SLC26A5: variants seen among roughly 807,000 people sequenced by gnomAD.
SLC26A5 encodes the protein prestin.
SLC26A5 carries 51 observed loss-of-function variants against 81.0 expected under a neutral mutation model. The observed-to-expected ratio is 0.63, with a 90% confidence interval of 0.50 to 0.80. The LOEUF (loss-of-function observed/expected upper bound fraction) is 0.80, where lower values mean the gene tolerates loss of function less well. Ranked by LOEUF, SLC26A5 falls within the 30% of genes least tolerant of loss-of-function variation. SLC26A5 has a pLI of 0.00. For missense variants in SLC26A5, 771 were observed against 905.8 expected (o/e 0.85, Z 1.91); for synonymous variants, 325 against 332.8 (o/e 0.98, Z 0.25).
chr7:103,411,248 C>T (rs1182345622), intron 6 of SLC26A5, among the ~76,000 whole-genome samples, 172 bp downstream of exon 6: 2 of 152,160 alleles, frequency 1.3e-5, no homozygotes, highest in Admixed American at 6.5e-5. Flanking sequence ...CTTGCTTGCT[C>T]GTCACTCATA....
chr7:103,391,110 G>A (rs544112323), intron 11 of SLC26A5, among the ~76,000 whole-genome samples: 42 of 152,216 alleles, frequency 2.8e-4, no homozygotes, highest in Admixed American at 6.5e-4. Context: ...TGATCTGCCC[G>A]CCTTGGCCTC....
chr7:103,405,836 CCT>C (rs1288124336), intron 8 of SLC26A5, among the ~76,000 whole-genome samples: 11 of 152,176 alleles, frequency 7.2e-5, no homozygotes, highest in African/African-American at 2.2e-4. Context: ...TCTATAAGCC[CCT>C]GATTGTGGCT....
intron 8 of SLC26A5, among the ~76,000 whole-genome samples, chr7:103,399,075 A>G (rs527751007): frequency 6.6e-6 from 1 of 152,318 alleles, no homozygotes; most frequent in South Asian, 2.1e-4. Flanking sequence ...TGTATTATAA[A>G]ATTGAATGCA....
At chr7:103,359,170 T>TTTTA (rs71110833) in intron 19 of SLC26A5, among the ~76,000 whole-genome samples, 1 of 129,868 alleles carries the variant, frequency 7.7e-6, no homozygotes, top group Non-Finnish European at 1.6e-5. Flanking sequence ...TTTTTTTTTT[T>TTTTA]AATTTTTAGT....
chr7:103,390,313 C>T, intron 12 of SLC26A5, 116 bp downstream of exon 12: 2 of 976,616 alleles, frequency 2.0e-6, no homozygotes, highest in Non-Finnish European at 3.3e-6. Context: ...CTTTCTCATA[C>T]CATCCTGTGA....
chr7:103,440,483 G>A (rs1826798481), intron 2 of SLC26A5, among the ~76,000 whole-genome samples: 2 of 152,196 alleles, frequency 1.3e-5, no homozygotes, highest in African/African-American at 4.8e-5. Context: ...ATTGAGTTTA[G>A]TAATAATTAA....
intron 6 of SLC26A5, among the ~76,000 whole-genome samples, chr7:103,410,912 A>G (rs1015393505): frequency 2.6e-5 from 4 of 152,068 alleles, no homozygotes; most frequent in Admixed American, 2.0e-4. Context: ...TAAAGGTGTG[A>G]GCCACCGCGC....
rs188291481 is a variant in SLC26A5 at position 103,381,433 on chromosome 7, T to C, written c.1515-884A>G. ...ACAAACAATACACACACACCACACA[T>C]ACACAATATACACAATCACACCACA... On this transcript the variant is annotated intron_variant, in intron 14 of 19. Coordinates refer to ENST00000306312, the MANE Select transcript of SLC26A5 (RefSeq NM_198999.3). 8.7e-4 allele frequency among the ~76,000 whole-genome samples: 128 copies of C among 146,460 alleles called. 1 individual carries two copies. Among genetic ancestry groups the C allele is most frequent in the African/African-American group, 3.0e-3 (117 of 39,442 alleles).
intron 14 of SLC26A5, among the ~76,000 whole-genome samples, chr7:103,386,705 C>A (rs1308315052): frequency 6.6e-6 from 1 of 151,878 alleles, no homozygotes; most frequent in Non-Finnish European, 1.5e-5. Flanking sequence ...AAAACACCAC[C>A]ACCAGCAAAA....
At chr7:103,359,691 A>G (rs1482684473) in intron 19 of SLC26A5, among the ~76,000 whole-genome samples, 2 of 152,180 alleles carry the variant, frequency 1.3e-5, no homozygotes, top group Admixed American at 1.3e-4. Flanking sequence ...CTCTATCTGT[A>G]TTCACTATTG....
intron 5 of SLC26A5, among the ~76,000 whole-genome samples, chr7:103,412,598 G>A (rs1016397304): frequency 7.4e-6 from 1 of 135,840 alleles, no homozygotes; most frequent in African/African-American, 2.7e-5. Flanking sequence ...TGCCCAGGTT[G>A]GAGTGCAGTG....
chr7:103,384,512 T>TGAGGCA (rs1822035997), intron 14 of SLC26A5, among the ~76,000 whole-genome samples: 1 of 151,710 alleles, frequency 6.6e-6, no homozygotes, highest in Non-Finnish European at 1.5e-5. Flanking sequence ...CTCAAGAGGA[T>TGAGGCA]GAGGCAGAGG....
rs979524403 is a variant in SLC26A5 at position 103,438,389 on chromosome 7, CT to C, written c.-54+4693del. 3.7e-3 allele frequency among the ~76,000 whole-genome samples: 529 copies of C among 142,834 alleles called. 2 individuals carry two copies. Among genetic ancestry groups the C allele is most frequent in the African/African-American group, 9.6e-3 (376 of 39,188 alleles). 93.7% of individuals were successfully genotyped at this position (142,834 alleles called of 152,430 possible). The stretch of plus-strand genomic sequence containing the variant: ...ATTTCTTTATATTGAGATTTCTTTT[CT>C]TTTTTTTTTTTTGAGATGGAGTCTC... On this transcript the variant is annotated intron_variant, in intron 2 of 19. Coordinates refer to ENST00000306312, the MANE Select transcript of SLC26A5 (RefSeq NM_198999.3).
At chr7:103,444,322 T>C (rs561971446) in intron 1 of SLC26A5, among the ~76,000 whole-genome samples, 3 of 152,336 alleles carry the variant, frequency 2.0e-5, no homozygotes, top group South Asian at 4.1e-4. Flanking sequence ...AATACGGACG[T>C]GCTTCCTATT....
rs767155090 is a variant in SLC26A5, at chr7:103,392,972, A to T, written c.1066T>A (p.Ser356Thr). ...IAIVGFSVTI[S>T]MAKTLANKHG... ...TTATTTGCTAAGGTCTTGGCCATGG[A>T]GATGGTCACTGAAAATCCAACGATG... Residue 356 changes from serine to threonine, a missense_variant, in exon 10 of 20, where the codon TCC (serine) becomes ACC (threonine). Transcript: ENST00000306312. The T allele has an allele frequency of 1.2e-6, 2 of 1,614,028 alleles. No homozygotes were observed. The highest frequency in any genetic ancestry group is 1.7e-6 in the Non-Finnish European group (2 of 1,179,888).
At position 103,363,312 on chromosome 7, in the gene SLC26A5, C is replaced by T. The variant is rs200258655; in HGVS notation, c.2042-10386G>A. ...TGGACAGTATCCAAAAAGCCTGTGA[C>T]TGTATGTTGTACATTTCTGTCCCTC... On this transcript the variant is annotated intron_variant, in intron 19 of 19. Transcript: ENST00000339444. 670 of 1,537,912 alleles carry T rather than the reference C, an allele frequency of 4.4e-4. 5 individuals are homozygous for T. The highest frequency in any genetic ancestry group is 4.7e-5 in the Non-Finnish European group (52 of 1,110,894).
chr7:103,410,223 AC>A (rs1163918257), intron 7 of SLC26A5, among the ~76,000 whole-genome samples, 161 bp downstream of exon 7: 1 of 152,206 alleles, frequency 6.6e-6, no homozygotes, highest in East Asian at 1.9e-4. Flanking sequence ...TCTCTTTGTA[AC>A]ACTCTTTTCA....
At chr7:103,374,829 A>G (rs1161172880) in intron 19 of SLC26A5, among the ~76,000 whole-genome samples, 1 of 151,276 alleles carries the variant, frequency 6.6e-6, no homozygotes, top group African/African-American at 2.4e-5. Context: ...TTAAAATGCT[A>G]TAGTAAAAGT....
intron 14 of SLC26A5, among the ~76,000 whole-genome samples, chr7:103,382,541 G>C (rs1821886276): frequency 6.6e-6 from 1 of 151,586 alleles, no homozygotes. Flanking sequence ...ATAGAGACAG[G>C]GTTTCACCAT....
Sources: allele counts gnomAD v4.1 joint callset (sites outside exome capture counted in the v4.1 genomes callset), GRCh38; gene constraint gnomAD v4.1.1; transcripts MANE v1.5; gene names NCBI Gene and HGNC (gene_info 2026-07-23, HGNC 2026-07-21).